Variants in GDI2 observed in about 807,000 individuals in gnomAD.
The protein encoded by GDI2 is rab GDP dissociation inhibitor beta.
Under a neutral mutation model 54.2 loss-of-function variants are expected in GDI2, and 22 were observed. The ratio of observed to expected loss-of-function variants is 0.41; its 90% CI spans 0.29 to 0.58. The LOEUF is 0.58. Ranked by LOEUF, GDI2 falls within the 20% of genes least tolerant of loss-of-function variation. The probability of loss-of-function intolerance (pLI) is 0.35; values close to 1 mark genes in which losing one functional copy is unlikely to be tolerated. For missense variants in GDI2, 422 were observed against 546.0 expected, an observed-to-expected ratio of 0.77 and a Z score of 2.26; for synonymous variants, 177 against 182.1, an observed-to-expected ratio of 0.97 and a Z score of 0.23.
chr10:5,785,376 T>G, intron 5 of GDI2, 103 bp from the exon 6 acceptor site: 1 of 847,812 alleles, frequency 1.2e-6, no homozygotes, highest in Non-Finnish European at 1.9e-6. Flanking sequence ...ATCTTCTTTT[T>G]TGTTTTTTTG....
intron 2 of GDI2, 71 bp from the exon 3 acceptor site, chr10:5,796,933 T>C: frequency 1.4e-6 from 1 of 724,962 alleles, no homozygotes; most frequent in East Asian, 2.7e-5. Flanking sequence ...GTACATATTT[T>C]TTATTAAGTG....
chr10:5,781,109 C>CACGACT (rs1396335818), intron 6 of GDI2, among the ~76,000 whole-genome samples: 3 of 151,740 alleles, frequency 2.0e-5, no homozygotes, highest in African/African-American at 7.3e-5. Flanking sequence ...ACAAAGGCAC[C>CACGACT]ACGACTACCT....
chr10:5,796,275 G>C (rs1234900239), intron 3 of GDI2, among the ~76,000 whole-genome samples: 1 of 150,856 alleles, frequency 6.6e-6, no homozygotes, highest in Admixed American at 6.6e-5. Flanking sequence ...GCTTGAACCA[G>C]AAGGCGGAGG....
At position 5,785,261 on chromosome 10, in the gene GDI2, T is replaced by G. The variant is rs1444346776; in HGVS notation, c.600A>C (p.Gln200His). The change falls in exon 6 of 11, where the codon CAA (glutamine) becomes CAC (histidine). Residue 200 changes from glutamine to histidine, a missense_variant. Gln to His is a conservative substitution (Grantham distance 24). Coordinates refer to ENST00000380191, the MANE Select transcript of GDI2 (RefSeq NM_001494.4). Reference sequence around the variant, plus strand: ...TTCTATTAATGGTTTCATAACACGGTTGATCTAAGTAACTGGAAGAAAGGA... The same window carrying G: ...TTCTATTAATGGTTTCATAACACGGGTGATCTAAGTAACTGGAAGAAAGGA... ...ALYRTDDYLD[Q>H]PCYETINRIK... 8 of 1,596,298 alleles carry G rather than the reference T, an allele frequency of 5.0e-6. No individual in the cohort carries two copies. The South Asian group carries it at 8.9e-5, about 18-fold the overall frequency.
At chr10:5,793,315 T>C (rs1162588494) in intron 4 of GDI2, among the ~76,000 whole-genome samples, 1 of 152,138 alleles carries the variant, frequency 6.6e-6, no homozygotes, top group Non-Finnish European at 1.5e-5. Flanking sequence ...AGGATTCTAT[T>C]CAAACTCAAA....
chr10:5,805,547 A>T (rs1197662272), intron 1 of GDI2, among the ~76,000 whole-genome samples: 1 of 151,774 alleles, frequency 6.6e-6, no homozygotes, highest in East Asian at 1.9e-4. Flanking sequence ...CGCCTGCCAA[A>T]TTTTTTAATT....
intron 1 of GDI2, among the ~76,000 whole-genome samples, chr10:5,809,076 C>T (rs865971583): frequency 6.6e-6 from 1 of 152,002 alleles, no homozygotes; most frequent in Middle Eastern, 3.2e-3. Context: ...GAAACCCCAT[C>T]TCTACTAAAA....
intron 1 of GDI2, among the ~76,000 whole-genome samples, chr10:5,803,210 G>A (rs1361905679): frequency 6.6e-6 from 1 of 152,152 alleles, no homozygotes; most frequent in Non-Finnish European, 1.5e-5. Context: ...TTAAGCCCAG[G>A]AGTTGGATGG....
At chr10:5,803,762 T>C (rs1841318213) in intron 1 of GDI2, among the ~76,000 whole-genome samples, 1 of 151,834 alleles carries the variant, frequency 6.6e-6, no homozygotes, top group African/African-American at 2.4e-5. Context: ...AGGGAAAAAA[T>C]TAATACAATT....
In GDI2 at chr10:5,794,719, A is replaced by C. The variant is rs192715760; in HGVS notation, c.388+166T>G. On this transcript the variant is annotated intron_variant, in intron 4 of 10. Coordinates refer to ENST00000380191, the MANE Select transcript of GDI2 (RefSeq NM_001494.4). ...TTCAAACGGGTAGGAATTTTTGAAC[A>C]TTTTGTTCACTGATGTGTTCCCAAC... is the stretch of plus-strand genomic sequence containing the variant. Among the ~76,000 whole-genome samples, 10 of 152,294 alleles carry C rather than the reference A, an allele frequency of 6.6e-5. No individual in the cohort carries two copies. In the East Asian group the frequency reaches 1.7e-3, roughly 26 times the overall value.
chr10:5,788,766 G>T (rs375196782), intron 4 of GDI2, among the ~76,000 whole-genome samples: 1 of 147,424 alleles, frequency 6.8e-6, no homozygotes, highest in Non-Finnish European at 1.5e-5. Flanking sequence ...AGGTTTGCAT[G>T]TTTTTTTTTT....
At position 5,768,105 on chromosome 10, in the gene GDI2, A is replaced by G; in HGVS notation, c.991+108T>C. ...GATTTTTTTCCCCCATATGTAAACC[A>G]AGGTCTGTTCACTAATACAGCATAC... On this transcript the variant is annotated intron_variant, in intron 8 of 10. Transcript: ENST00000380191. The surrounding 1 kb of genome is among the most constrained non-coding windows in gnomAD (Gnocchi z 4.4). The G allele has an allele frequency of 1.1e-6, 1 of 875,142 alleles. No homozygotes were observed. The highest frequency in any genetic ancestry group is 1.8e-6 in the Non-Finnish European group (1 of 548,914). The allele number at this position is 875,142 out of a possible 1,614,324, so 54.2% of individuals were successfully genotyped here. A position where few individuals can be genotyped will look rare whatever the true frequency, so the allele number is the denominator to read the frequency against.
Position 5,766,268 on chromosome 10 carries a change from T to C in GDI2, c.1164A>G (p.Val388=). Residue 388 remains valine, a synonymous_variant, in exon 10 of 11, where the codon GTA becomes GTG. Transcript: ENST00000380191. This position sits in a 1 kb window ranked among gnomAD's most constrained non-coding sequence, Gnocchi z 5.8. ...GGCTTTCTGTTCCCAAGTCTTTTGG[T>C]ACCAGGAGGTCACTGATGCTAACAA... The part of the protein sequence containing the change: ...QKFVSISDLL[V]PKDLGTESQI... 1 of 1,613,774 alleles carries C rather than the reference T, an allele frequency of 6.2e-7. No individual in the cohort carries two copies. Among genetic ancestry groups the C allele is most frequent in the Non-Finnish European group, 8.5e-7 (1 of 1,179,630 alleles).
chr10:5,794,560 T>C (rs1841106719), intron 4 of GDI2, among the ~76,000 whole-genome samples: 1 of 152,134 alleles, frequency 6.6e-6, no homozygotes, highest in African/African-American at 2.4e-5. Context: ...ACAGAGCCTT[T>C]AGACACAGGA....
At chr10:5,769,154 CAGA>C (rs1380356006) in intron 7 of GDI2, 1 of 151,970 alleles carries the variant, frequency 6.6e-6, no homozygotes, top group East Asian at 1.9e-4. Context: ...ATTTTTGCAT[CAGA>C]AGACACTAAT....
intron 4 of GDI2, among the ~76,000 whole-genome samples, chr10:5,790,856 T>C (rs1408715288): frequency 6.6e-6 from 1 of 152,164 alleles, no homozygotes; most frequent in Non-Finnish European, 1.5e-5. Context: ...CCTCCTCCCA[T>C]GAATTATAAA....
At position 5,774,868 on chromosome 10, in the gene GDI2, T is replaced by C. The variant is rs550866166; in HGVS notation, c.720-927A>G. 6.6e-6 allele frequency among the ~76,000 whole-genome samples: 1 copy of C among 152,106 alleles called. No homozygotes were observed. The highest frequency in any genetic ancestry group is 1.9e-4 in the East Asian group (1 of 5,176). On this transcript the variant is annotated intron_variant, in intron 6 of 10. Transcript: ENST00000380191. The surrounding 1 kb of genome is among the most constrained non-coding windows in gnomAD (Gnocchi z 4.8). Reference sequence around the variant, plus strand: ...ATCCACATCAGAGGCAAATCTGCCATTTCTCTGGATTCACACCCAGGGGAA... The same window carrying C: ...ATCCACATCAGAGGCAAATCTGCCACTTCTCTGGATTCACACCCAGGGGAA...
chr10:5,791,104 C>G (rs1355013331), intron 4 of GDI2, among the ~76,000 whole-genome samples: 1 of 152,094 alleles, frequency 6.6e-6, no homozygotes, highest in Non-Finnish European at 1.5e-5. Context: ...CCAACCTGGG[C>G]AGCATAGCAA....
chr10:5,773,936 CT>C lies in GDI2; in HGVS notation c.724del (p.Ser242ValfsTer10). 1.4e-6 allele frequency: 2 copies of C among 1,434,902 alleles called. No individual in the cohort carries two copies. The highest frequency in any genetic ancestry group is 1.9e-6 in the Non-Finnish European group (2 of 1,035,132). The allele number at this position is 1,434,902 out of a possible 1,614,324, so 88.9% of individuals were successfully genotyped here. A position where few individuals can be genotyped will look rare whatever the true frequency, so the allele number is the denominator to read the frequency against. ...CATATAGGTACCTCCATAAATAGCA[CT>C]TAGCCTGGAAAATTTTTAAAATCCC... ...GELPQGFARL[S>X]AIYGGTYMLN... On this transcript the variant is annotated frameshift_variant, in exon 7 of 11. Coordinates refer to ENST00000380191, the MANE Select transcript of GDI2 (RefSeq NM_001494.4). LOFTEE classifies it high-confidence loss of function.
Sources: allele counts gnomAD v4.1 joint callset (sites outside exome capture counted in the v4.1 genomes callset), GRCh38; gene constraint gnomAD v4.1.1; non-coding constraint Gnocchi (gnomAD v3.1); transcripts MANE v1.5; gene names NCBI Gene and HGNC (gene_info 2026-07-23, HGNC 2026-07-21).